Variants in ZNF438 observed in about 807,000 individuals in gnomAD.
The protein encoded by ZNF438 is zinc finger protein 438.
In ZNF438, 25 loss-of-function variants were observed where a neutral mutation model predicts 38.0. The observed-to-expected ratio is 0.66, with a 90% CI of 0.48 to 0.92. ZNF438 has a LOEUF of 0.92. Ranked by LOEUF, ZNF438 falls within the 40% of genes least tolerant of loss-of-function variation. The pLI is 0.00. For synonymous variants in ZNF438, 372 were observed against 364.1 expected (o/e 1.02, Z -0.25); for missense variants, 1,007 against 999.6 (o/e 1.01, Z -0.10).
intron 1 of ZNF438, among the ~76,000 whole-genome samples, chr10:30,965,743 C>T (rs146128855): frequency 2.6e-5 from 4 of 152,002 alleles, no homozygotes; most frequent in Non-Finnish European, 5.9e-5. Flanking sequence ...GCAATAGACA[C>T]CGGGGACTAC....
At chr10:30,958,612 G>A (rs143698335) in intron 1 of ZNF438, among the ~76,000 whole-genome samples, 1 of 146,988 alleles carries the variant, frequency 6.8e-6, no homozygotes, top group Admixed American at 6.8e-5. Context: ...GTTCAATGAC[G>A]TTTTAGTCCA....
At chr10:30,930,936 A>C (rs2045623506) in intron 2 of ZNF438, among the ~76,000 whole-genome samples, 1 of 151,196 alleles carries the variant, frequency 6.6e-6, no homozygotes, top group Admixed American at 6.6e-5. Context: ...CTAAGCACAC[A>C]TTCCCATTTT....
At chr10:30,935,143 G>T (rs2046107536) in intron 2 of ZNF438, among the ~76,000 whole-genome samples, 1 of 152,212 alleles carries the variant, frequency 6.6e-6, no homozygotes, top group African/African-American at 2.4e-5. Context: ...CAAATGGTTG[G>T]TAAAGCAGGT....
intron 3 of ZNF438, among the ~76,000 whole-genome samples, chr10:30,908,363 A>G (rs575776955): frequency 1.6e-3 from 237 of 152,316 alleles, no homozygotes; most frequent in African/African-American, 5.5e-3. Context: ...AGTATTCTAC[A>G]GATGTCTGTT....
chr10:30,878,787 C>T (rs1236763389), intron 3 of ZNF438, among the ~76,000 whole-genome samples: 6 of 152,126 alleles, frequency 3.9e-5, no homozygotes, highest in Admixed American at 2.0e-4. Flanking sequence ...TTGCTCCTGC[C>T]GGCACCCAAA....
chr10:30,994,104 G>A (rs2053805201), intron 1 of ZNF438, among the ~76,000 whole-genome samples: 1 of 152,238 alleles, frequency 6.6e-6, no homozygotes, highest in Non-Finnish European at 1.5e-5. Flanking sequence ...GAATCTGCCT[G>A]AAGGCAAATA....
At chr10:30,953,643 A>T (rs1033873227) in intron 1 of ZNF438, among the ~76,000 whole-genome samples, 11 of 116,864 alleles carry the variant, frequency 9.4e-5, no homozygotes, top group African/African-American at 3.6e-4. Flanking sequence ...TAATAATAAA[A>T]AAAAAAACAT....
At chr10:30,937,259 C>T (rs751897964) in intron 2 of ZNF438, among the ~76,000 whole-genome samples, 14 of 152,168 alleles carry the variant, frequency 9.2e-5, no homozygotes, top group Non-Finnish European at 1.8e-4. Flanking sequence ...AGTCAGGAGG[C>T]ATGCTTGGGT....
intron 3 of ZNF438, among the ~76,000 whole-genome samples, chr10:30,904,049 G>C (rs1311875984): frequency 6.8e-6 from 1 of 148,002 alleles, no homozygotes; most frequent in Non-Finnish European, 1.5e-5. Context: ...AGACAGACTA[G>C]AACAACAGAG....
intron 3 of ZNF438, among the ~76,000 whole-genome samples, chr10:30,901,211 T>A (rs545720697): frequency 6.6e-6 from 1 of 152,336 alleles, no homozygotes; most frequent in South Asian, 2.1e-4. Context: ...TGGTTCTGTG[T>A]GCTGGCATCC....
At chr10:30,966,033 T>C (rs757836578) in intron 1 of ZNF438, among the ~76,000 whole-genome samples, 12 of 152,188 alleles carry the variant, frequency 7.9e-5, no homozygotes, top group Non-Finnish European at 1.6e-4. Flanking sequence ...GGCAGTCTCA[T>C]TCATTCATTC....
chr10:30,861,587 G>A (rs2035589085), intron 4 of ZNF438, among the ~76,000 whole-genome samples: 1 of 152,078 alleles, frequency 6.6e-6, no homozygotes, highest in Admixed American at 6.5e-5. Flanking sequence ...AATGTCCCAA[G>A]GGAAAAGTAC....
At chr10:30,983,874 C>T (rs1368238917) in intron 1 of ZNF438, among the ~76,000 whole-genome samples, 1 of 152,104 alleles carries the variant, frequency 6.6e-6, no homozygotes, top group Non-Finnish European at 1.5e-5. Flanking sequence ...ACTTCCTATA[C>T]ACCCTTCATC....
intron 1 of ZNF438, among the ~76,000 whole-genome samples, chr10:30,946,831 T>C (rs1197232749): frequency 2.0e-5 from 3 of 152,186 alleles, no homozygotes; most frequent in African/African-American, 7.2e-5. Context: ...ATTGAATACT[T>C]TTTAGTTTTC....
intron 1 of ZNF438, among the ~76,000 whole-genome samples, chr10:30,942,180 T>C (rs558130912): frequency 9.2e-5 from 14 of 152,192 alleles, no homozygotes; most frequent in African/African-American, 3.1e-4. Context: ...ATGGACTGAA[T>C]ACAAAGAGAA....
intron 1 of ZNF438, among the ~76,000 whole-genome samples, chr10:30,979,946 C>T (rs1344356525): frequency 6.6e-6 from 1 of 152,178 alleles, no homozygotes; most frequent in African/African-American, 2.4e-5. Context: ...GATACATGTG[C>T]TAGAGAGTCT....
At chr10:30,913,606 G>C (rs2043291677) in intron 2 of ZNF438, among the ~76,000 whole-genome samples, 1 of 151,990 alleles carries the variant, frequency 6.6e-6, no homozygotes, top group Admixed American at 6.6e-5. Context: ...AATTTAGGGA[G>C]GAAGGAGGAA....
At chr10:30,880,040 GA>G (rs912211489) in intron 3 of ZNF438, among the ~76,000 whole-genome samples, 142 of 147,434 alleles carry the variant, frequency 9.6e-4, no homozygotes, top group Admixed American at 2.4e-3. Context: ...CAAAACTGGT[GA>G]AAAAAAAAAG....
At chr10:30,850,409 G>A in intron 4 of ZNF438, 42 bp from the exon 6 acceptor site, 1 of 1,552,914 alleles carries the variant, frequency 6.4e-7, no homozygotes, top group Non-Finnish European at 8.8e-7. Context: ...GTATGTAACT[G>A]TTCTGTTAGT....
Sources: gnomAD v4.1 joint callset for allele counts (sites outside exome capture counted in the v4.1 genomes callset) on GRCh38, gnomAD v4.1.1 for gene constraint, MANE v1.5 for transcripts, NCBI Gene and HGNC (gene_info 2026-07-23, HGNC 2026-07-21) for gene names.